Variants in VPS13C observed in about 807,000 individuals in gnomAD.
VPS13C encodes the protein intermembrane lipid transfer protein VPS13C.
In VPS13C, 358 loss-of-function variants were observed where a neutral mutation model predicts 456.8. The ratio of observed to expected loss-of-function variants is 0.78; its 90% CI spans 0.72 to 0.86. The LOEUF (loss-of-function observed/expected upper bound fraction) is 0.86. Ranked by LOEUF, VPS13C falls within the 40% of genes least tolerant of loss-of-function variation. The pLI is 0.00. For missense variants in VPS13C, 4,818 were observed against 4,385.4 expected, an observed-to-expected ratio of 1.10 and a Z score of -2.79; for synonymous variants, 1,578 against 1,486.7, an observed-to-expected ratio of 1.06 and a Z score of -1.41.
chr15:62,013,244 A>C (rs2140518305), intron 10 of VPS13C, 125 bp from the exon 11 acceptor site: 1 of 543,158 alleles, frequency 1.8e-6, no homozygotes, highest in East Asian at 3.3e-5. Flanking sequence ...TTTTAAAGGA[A>C]AGAAAATAAC....
At chr15:62,034,690 C>T (rs1040360761) in intron 4 of VPS13C, among the ~76,000 whole-genome samples, 2 of 151,702 alleles carry the variant, frequency 1.3e-5, no homozygotes, top group Non-Finnish European at 3.0e-5. Context: ...CAACAGGAAG[C>T]CTTAGTTGCA....
intron 1 of VPS13C, among the ~76,000 whole-genome samples, chr15:62,055,760 G>A (rs183615531): frequency 2.9e-4 from 44 of 152,256 alleles, no homozygotes; most frequent in African/African-American, 1.0e-3. Flanking sequence ...ATTTCGTTAA[G>A]AGTAATCTAC....
intron 66 of VPS13C, among the ~76,000 whole-genome samples, chr15:61,905,689 A>C (rs1454905878): frequency 6.6e-6 from 1 of 152,076 alleles, no homozygotes; most frequent in Non-Finnish European, 1.5e-5. Context: ...TATAACAGCA[A>C]AGTTTTACTT....
chr15:61,987,455 AG>A (rs1169636100), intron 18 of VPS13C, among the ~76,000 whole-genome samples: 1 of 152,200 alleles, frequency 6.6e-6, no homozygotes, highest in Non-Finnish European at 1.5e-5. Context: ...GAGCTTGTGC[AG>A]GGGAACTCCC....
chr15:61,911,611 T>G (rs1291406902), intron 63 of VPS13C, among the ~76,000 whole-genome samples: 3 of 152,110 alleles, frequency 2.0e-5, no homozygotes, highest in Non-Finnish European at 4.4e-5. Context: ...TCTACACATA[T>G]AGGAAGAATT....
intron 55 of VPS13C, among the ~76,000 whole-genome samples, 185 bp downstream of exon 55, chr15:61,921,762 T>A (rs1027996867): frequency 1.4e-4 from 21 of 152,172 alleles, no homozygotes; most frequent in South Asian, 1.2e-3. Flanking sequence ...TCTGGAAAAC[T>A]CCACTATACA....
intron 30 of VPS13C, 50 bp from the exon 31 acceptor site, chr15:61,964,911 T>C (rs1450261177): frequency 3.2e-6 from 5 of 1,552,230 alleles, no homozygotes; most frequent in Non-Finnish European, 4.4e-6. Context: ...AATTATAACC[T>C]GTAGTCTCCA....
Position 61,947,250 on chromosome 15 carries a change from C to A in VPS13C, c.4819G>T (p.Ala1607Ser). The stretch of plus-strand genomic sequence containing the variant: ...TGATCACAGACAAAGACATTAAATG[C>A]ATTTAATTCAGCTGTGATCTTTAAA... ...FDLKITAELN[A>S]FNVFVCDQKC... The change falls in exon 43 of 85, where the codon GCA (alanine) becomes TCA (serine). Residue 1607 changes from alanine to serine, a missense_variant. By Grantham distance (99) the Ala-to-Ser change is moderately conservative. Transcript: ENST00000644861. 6.2e-7 allele frequency: 1 copy of A among 1,608,304 alleles called. No homozygotes were observed.
intron 66 of VPS13C, among the ~76,000 whole-genome samples, chr15:61,891,650 T>C (rs1320691917): frequency 3.3e-5 from 5 of 152,234 alleles, no homozygotes; most frequent in Admixed American, 6.5e-5. Context: ...TTAAGTTTTA[T>C]ATGTTGATGC....
chr15:61,888,956 CAA>C lies in VPS13C; in HGVS notation c.9341+1207_9341+1208del, dbSNP rs201917235. On this transcript the variant is annotated intron_variant, in intron 67 of 84. Coordinates refer to ENST00000644861, the MANE Select transcript of VPS13C (RefSeq NM_020821.3). ...TGCAAGATGTTAGTAATAGGGGAAA[CAA>C]GAGTGCGGGTACGTGAAAACTCTTT... Among the ~76,000 whole-genome samples, 497 of 152,138 alleles carry C rather than the reference CAA, an allele frequency of 3.3e-3. 3 individuals carry two copies. Among genetic ancestry groups the C allele is most frequent in the East Asian group, 0.013 (66 of 5,186 alleles).
rs2045920108 is a variant in VPS13C, at chr15:61,982,563, T to C, written c.1925A>G (p.Asn642Ser). Residue 642 changes from asparagine to serine, a missense_variant, in exon 21 of 85, where the codon AAT becomes AGT. Physicochemically the swap from Asn to Ser is conservative, Grantham distance 46 (BLOSUM62 1). Transcript: ENST00000644861. ...VEVIYDAKTV[N>S]AVVEFFQSNK... is the part of the protein sequence containing the mutation. ...TGATTGAAAGAATTCAACCACTGCA[T>C]TGACAGTTTTCTATAAGAAAATTTT... 4 of 1,601,924 alleles carry C rather than the reference T, an allele frequency of 2.5e-6. No homozygotes were observed. The highest frequency in any genetic ancestry group is 1.7e-4 in the Middle Eastern group (1 of 6,030).
chr15:62,028,260 T>G (rs752748621), intron 6 of VPS13C, 98 bp downstream of exon 6: 3 of 1,309,536 alleles, frequency 2.3e-6, no homozygotes, highest in Non-Finnish European at 3.3e-6. Flanking sequence ...CCATATTTTC[T>G]AAAAGGATGG....
In VPS13C at chr15:61,922,555, C is replaced by T; in HGVS notation, c.6817G>A (p.Glu2273Lys). 6.2e-7 allele frequency: 1 copy of T among 1,614,126 alleles called. No homozygotes were observed. The highest frequency in any genetic ancestry group is 1.1e-5 in the South Asian group (1 of 91,086). ...SFKGIEHSLI[E>K]ENCGVVVESI... The stretch of plus-strand genomic sequence containing the variant: ...TCTACAACAACACCACAATTTTCCT[C>T]TATCAGTGAATGTTCAATGCCTTTG... Residue 2273 changes from glutamate (E) to lysine (K), a missense_variant, in exon 54 of 85, where the codon GAG becomes AAG. Glu to Lys is a moderately conservative substitution (Grantham distance 56). Around this residue, in one of 3 missense-constraint regions of VPS13C, gnomAD observed 4,552 missense variants for 4,130.6 expected, o/e 1.10. Transcript: ENST00000644861.
At chr15:62,008,492 G>A (rs974356597) in intron 14 of VPS13C, among the ~76,000 whole-genome samples, 163 bp downstream of exon 14, 1 of 152,028 alleles carries the variant, frequency 6.6e-6, no homozygotes, top group Non-Finnish European at 1.5e-5. Context: ...AGTGAAAGCT[G>A]TTTTTATAAG....
rs754470295 is a variant in VPS13C, at chr15:61,961,815, T to G, written c.3682A>C (p.Ser1228Arg). 1 of 1,614,022 alleles carries G rather than the reference T, an allele frequency of 6.2e-7. No individual in the cohort carries two copies. Among genetic ancestry groups the G allele is most frequent in the East Asian group, 2.2e-5 (1 of 44,860 alleles). The change falls in exon 35 of 85, where the codon AGT becomes CGT. Residue 1228 changes from serine to arginine, a missense_variant. Coordinates refer to ENST00000644861, the MANE Select transcript of VPS13C (RefSeq NM_020821.3). ...TAQAAERAAT[S>R]VKDLAQRSFR... is the part of the protein sequence containing the mutation. ...CTCCTCTGGGCAAGATCTTTCACAC[T>G]TGTGGCAGCCCTTTCTGCAGCCTGG...
At position 61,922,278 on chromosome 15, in the gene VPS13C, A is replaced by G. The variant is rs1372820504; in HGVS notation, c.6975+119T>C. ...ACATCGACAAATTAAATGTCAGAAC[A>G]CACTATCTATTCACATATGTACTCA... On this transcript the variant is annotated intron_variant, in intron 54 of 84. Coordinates refer to ENST00000644861, the MANE Select transcript of VPS13C (RefSeq NM_020821.3). 4 of 1,283,842 alleles carry G rather than the reference A, an allele frequency of 3.1e-6. No homozygotes were observed. The African/African-American group carries it at 6.0e-5, about 19-fold the overall frequency. The allele number at this position is 1,283,842 out of a possible 1,614,324, so 79.5% of individuals were successfully genotyped here. A position where few individuals can be genotyped will look rare whatever the true frequency, so the allele number is the denominator to read the frequency against.
intron 10 of VPS13C, 26 bp from the exon 11 acceptor site, chr15:62,013,145 A>G: frequency 1.3e-6 from 2 of 1,542,324 alleles, no homozygotes; most frequent in Non-Finnish European, 1.8e-6. Flanking sequence ...GAAAGAGATC[A>G]GGCAATCAAC....
At chr15:62,058,440 G>A (rs571846582) in intron 1 of VPS13C, among the ~76,000 whole-genome samples, 4 of 151,806 alleles carry the variant, frequency 2.6e-5, no homozygotes, top group African/African-American at 7.3e-5. Flanking sequence ...ACTAACTGCA[G>A]ACCAAAAATA....
At position 62,012,089 on chromosome 15, in the gene VPS13C, AC is replaced by A; in HGVS notation, c.883+17del. The A allele has an allele frequency of 7.3e-7, 1 of 1,368,016 alleles. No individual in the cohort carries two copies. The highest frequency in any genetic ancestry group is 1.0e-6 in the Non-Finnish European group (1 of 969,542). The allele number at this position is 1,368,016 out of a possible 1,614,324, so 84.7% of individuals were successfully genotyped here. ...TGTTTCTTCCTATAACATGAAATAA[AC>A]TTTTACTATTACTTACTGTATTGAT... On this transcript the variant is annotated intron_variant, in intron 12 of 84. Transcript: ENST00000644861.
Sources: gnomAD v4.1 joint callset for allele counts (sites outside exome capture counted in the v4.1 genomes callset) on GRCh38, gnomAD v4.1.1 for gene constraint, gnomAD v4.1.1 regional missense constraint, MANE v1.5 for transcripts, NCBI Gene and HGNC (gene_info 2026-07-23, HGNC 2026-07-21) for gene names.